AKT3: variants seen among roughly 807,000 people sequenced by gnomAD.
The protein encoded by AKT3 is AKT serine/threonine kinase 3.
In AKT3, 15 loss-of-function variants were observed where a neutral mutation model predicts 65.3. The observed-to-expected ratio is 0.23, with a 90% confidence interval of 0.15 to 0.35. The LOEUF is 0.35. Ranked by LOEUF, AKT3 falls within the 10% of genes least tolerant of loss-of-function variation. The probability of loss-of-function intolerance (pLI) is 1.00; values close to 1 mark genes in which losing one functional copy is unlikely to be tolerated. For synonymous variants in AKT3, 206 were observed against 183.8 expected (o/e 1.12, Z -0.98); for missense variants, 243 against 576.5 (o/e 0.42, Z 5.92).
chr1:243,613,200 CAT>C lies in AKT3; in HGVS notation c.696+469_696+470del, dbSNP rs1351085781. 2.4e-3 allele frequency among the ~76,000 whole-genome samples: 164 copies of C among 68,396 alleles called. 1 individual carries two copies. The highest frequency in any genetic ancestry group is 5.3e-3 in the African/African-American group (122 of 23,138). The allele number at this position is 68,396 out of a possible 152,430, so 44.9% of individuals were successfully genotyped here. A position where few individuals can be genotyped will look rare whatever the true frequency, so the allele number is the denominator to read the frequency against. On this transcript the variant is annotated intron_variant, in intron 8 of 13. Coordinates refer to ENST00000673466, the MANE Select transcript of AKT3 (RefSeq NM_005465.7). ...CCTCATATATACATACACACACACACATATATATATATATAGTCATAGTACTC... is the reference window on the plus strand; with the variant it reads ...CCTCATATATACATACACACACACACATATATATATATAGTCATAGTACTC...
At chr1:243,772,266 G>C (rs1253900974) in intron 2 of AKT3, among the ~76,000 whole-genome samples, 4 of 151,806 alleles carry the variant, frequency 2.6e-5, no homozygotes, top group Non-Finnish European at 4.4e-5. Context: ...TACAGAATGG[G>C]AGAAAATTTT....
At chr1:243,847,080 C>T (rs1470410980) in intron 1 of AKT3, among the ~76,000 whole-genome samples, 2 of 152,178 alleles carry the variant, frequency 1.3e-5, no homozygotes, top group Non-Finnish European at 2.9e-5. Context: ...AGAAGGTATG[C>T]TGTGTGACCA....
At chr1:243,596,956 T>G (rs1280736298) in intron 8 of AKT3, among the ~76,000 whole-genome samples, 1 of 152,232 alleles carries the variant, frequency 6.6e-6, no homozygotes, top group Non-Finnish European at 1.5e-5. Context: ...GTATATATTG[T>G]ATGAGTTCAT....
intron 1 of AKT3, chr1:243,843,530 C>G: frequency 2.8e-6 from 3 of 1,071,908 alleles, no homozygotes; most frequent in Non-Finnish European, 3.4e-6. Flanking sequence ...CTTAAGAAAA[C>G]CAGTCACGCC....
At chr1:243,613,773 T>C in intron 7 of AKT3, 34 bp from the exon 8 acceptor site, 1 of 1,377,574 alleles carries the variant, frequency 7.3e-7, no homozygotes, top group Non-Finnish European at 1.0e-6. Context: ...TGTTACATTA[T>C]AATCCTGTAT....
At chr1:243,795,532 C>T (rs1489809301) in intron 2 of AKT3, among the ~76,000 whole-genome samples, 6 of 119,438 alleles carry the variant, frequency 5.0e-5, no homozygotes, top group African/African-American at 1.3e-4. Context: ...AGTGCAGTGG[C>T]GGGATCTCGG....
At chr1:243,571,414 A>G (rs1674554493) in intron 9 of AKT3, among the ~76,000 whole-genome samples, 1 of 152,238 alleles carries the variant, frequency 6.6e-6, no homozygotes, top group Non-Finnish European at 1.5e-5. Flanking sequence ...CTGCAATCAA[A>G]TGAACATTCT....
At chr1:243,624,437 G>A (rs918480018) in intron 6 of AKT3, among the ~76,000 whole-genome samples, 9 of 152,142 alleles carry the variant, frequency 5.9e-5, no homozygotes, top group Admixed American at 1.3e-4. Context: ...ATTATAAAAT[G>A]TATCCACTTT....
upstream of AKT3, among the ~76,000 whole-genome samples, chr1:243,850,295 A>AGGCGGCGGCGGCGGC (rs34490111): frequency 5.1e-4 from 60 of 118,334 alleles, no homozygotes; most frequent in Non-Finnish European, 8.5e-4. Flanking sequence ...CTGGAGCGGG[A>AGGCGGCGGCGGCGGC]GGCGGCGGCG....
chr1:243,753,437 G>T (rs1433386063), intron 2 of AKT3, among the ~76,000 whole-genome samples: 2 of 151,810 alleles, frequency 1.3e-5, no homozygotes, highest in Non-Finnish European at 2.9e-5. Flanking sequence ...TCAAAATCTA[G>T]TATCTTCAAA....
At chr1:243,652,770 G>GAAAAAAA (rs1558686553) in intron 4 of AKT3, among the ~76,000 whole-genome samples, 2 of 3,198 alleles carry the variant, frequency 6.3e-4, no homozygotes, top group Non-Finnish European at 1.0e-3. Context: ...CAAATAGAAA[G>GAAAAAAA]CAAAAAAAAA....
chr1:243,611,768 G>A (rs1677888331), intron 8 of AKT3, among the ~76,000 whole-genome samples: 1 of 151,794 alleles, frequency 6.6e-6, no homozygotes, highest in African/African-American at 2.4e-5. Context: ...CAAGGGCCCA[G>A]TTCTGTATTC....
At chr1:243,730,012 C>T (rs1299394543) in intron 2 of AKT3, among the ~76,000 whole-genome samples, 1 of 152,098 alleles carries the variant, frequency 6.6e-6, no homozygotes, top group African/African-American at 2.4e-5. Flanking sequence ...TGGGACAGGT[C>T]CCCAGTGAAA....
intron 12 of AKT3, among the ~76,000 whole-genome samples, chr1:243,517,251 T>C (rs1308638318): frequency 6.6e-6 from 1 of 152,230 alleles, no homozygotes; most frequent in Non-Finnish European, 1.5e-5. Context: ...CTGTGATAAA[T>C]GATCTGTGAC....
intron 3 of AKT3, among the ~76,000 whole-genome samples, chr1:243,672,403 T>C (rs540387832): frequency 2.0e-5 from 3 of 152,224 alleles, no homozygotes; most frequent in Admixed American, 1.3e-4. Context: ...CAGCTCCGCA[T>C]TGCTAGTTAT....
chr1:243,646,622 T>G (rs1680838022), intron 4 of AKT3, among the ~76,000 whole-genome samples: 1 of 152,194 alleles, frequency 6.6e-6, no homozygotes, highest in Non-Finnish European at 1.5e-5. Context: ...CCCAAAGTGC[T>G]GGGATTACAG....
At chr1:243,594,615 A>G (rs1676468603) in intron 8 of AKT3, among the ~76,000 whole-genome samples, 1 of 152,238 alleles carries the variant, frequency 6.6e-6, no homozygotes, top group African/African-American at 2.4e-5. Flanking sequence ...TCACACAATC[A>G]GAGACAGGGT....
In AKT3 at chr1:243,626,544, G is replaced by C. The variant is rs74153926; in HGVS notation, c.561+11067C>G. 1.9e-4 allele frequency among the ~76,000 whole-genome samples: 29 copies of C among 152,242 alleles called. No homozygotes were observed. The East Asian group carries it at 5.6e-3, about 29-fold the overall frequency. ...GGTGATGGGCTACCAAATTAATCAG[G>C]ATGAGGACTGACACAGAACCAGGGC... On this transcript the variant is annotated intron_variant, in intron 6 of 13. Coordinates refer to ENST00000673466, the MANE Select transcript of AKT3 (RefSeq NM_005465.7).
intron 6 of AKT3, among the ~76,000 whole-genome samples, chr1:243,625,961 C>T (rs1181163458): frequency 6.6e-6 from 1 of 152,164 alleles, no homozygotes; most frequent in Non-Finnish European, 1.5e-5. Context: ...AATGGTCCTT[C>T]CCCTCCTTTA....
Sources: allele counts gnomAD v4.1 joint callset (sites outside exome capture counted in the v4.1 genomes callset), GRCh38; gene constraint gnomAD v4.1.1; transcripts MANE v1.5; gene names NCBI Gene and HGNC (gene_info 2026-07-23, HGNC 2026-07-21).